RTKN: variants seen among roughly 807,000 people sequenced by gnomAD.
The protein encoded by RTKN is rhotekin.
RTKN carries 49 observed loss-of-function variants against 63.5 expected under a neutral mutation model. The observed-to-expected ratio is 0.77, with a 90% CI of 0.61 to 0.98. The LOEUF is 0.98. Ranked by LOEUF, RTKN falls within the 50% of genes least tolerant of loss-of-function variation. RTKN has a pLI of 0.00. For synonymous variants in RTKN, 295 were observed against 290.4 expected, an observed-to-expected ratio of 1.02 and a Z score of -0.16; for missense variants, 685 against 740.8, an observed-to-expected ratio of 0.92 and a Z score of 0.87.
In RTKN at chr2:74,432,201, T is replaced by C. The variant is rs989466055; in HGVS notation, c.311+266A>G. The C allele has an allele frequency of 6.5e-6, 4 of 617,834 alleles. No individual in the cohort carries two copies. The African/African-American group carries it at 7.2e-5, about 11-fold the overall frequency. The allele number at this position is 617,834 out of a possible 1,614,324, so 38.3% of individuals were successfully genotyped here. ...TCACAGACAGGGCTTAGCAAATTAGTGCTTTTGCATTACTTGCTACCCTTC... is the reference window on the plus strand; with the variant it reads ...TCACAGACAGGGCTTAGCAAATTAGCGCTTTTGCATTACTTGCTACCCTTC... On this transcript the variant is annotated intron_variant, in intron 2 of 11. Coordinates refer to ENST00000272430, the MANE Select transcript of RTKN (RefSeq NM_001015055.2).
intron 2 of RTKN, 195 bp downstream of exon 2, chr2:74,432,272 C>T (rs757976799): frequency 1.4e-6 from 1 of 710,494 alleles, no homozygotes; most frequent in Non-Finnish European, 2.6e-6. Flanking sequence ...CTAAGTCCTG[C>T]CCTGGCTACT....
intron 2 of RTKN, chr2:74,430,910 A>C (rs1670714749): frequency 3.6e-6 from 2 of 560,028 alleles, no homozygotes; most frequent in Non-Finnish European, 6.4e-6. Flanking sequence ...CATAAGGCAC[A>C]AGCTCAGGGC....
chr2:74,428,024 C>A (rs771987803), intron 9 of RTKN: 98 of 561,428 alleles, frequency 1.7e-4, no homozygotes, highest in Non-Finnish European at 2.4e-4. Flanking sequence ...AAGCCCTGAA[C>A]CTGCAGGCGA....
intron 1 of RTKN, among the ~76,000 whole-genome samples, chr2:74,433,221 C>T (rs147200613): frequency 0.012 from 1,754 of 143,962 alleles, 40 homozygotes; most frequent in African/African-American, 0.043. Context: ...CCAGCCTGGA[C>T]GACAGAGCAA....
rs138076407 is a variant in RTKN at position 74,436,720 on chromosome 2, C to T, written c.112-4054G>A. Among the ~76,000 whole-genome samples the T allele has an allele frequency of 5.0e-3, 763 of 152,246 alleles. 5 individuals are homozygous for T. Among genetic ancestry groups the T allele is most frequent in the Non-Finnish European group, 7.0e-3 (473 of 67,980 alleles). ...ACACCTCCTCTATTTCCCTACTGAT[C>T]TCCAGCCCCAAATCCACTCTCCCAA... On this transcript the variant is annotated intron_variant, in intron 1 of 11. Transcript: ENST00000272430. This position sits in a 1 kb window ranked among gnomAD's most constrained non-coding sequence, Gnocchi z 4.3.
rs776726019 is a variant in RTKN at position 74,430,036 on chromosome 2, C to T, written c.547G>A (p.Ala183Thr). Residue 183 changes from alanine (A) to threonine (T), a missense_variant and splice_region_variant, in exon 6 of 12, where the codon GCT becomes ACT. Coordinates refer to ENST00000272430, the MANE Select transcript of RTKN (RefSeq NM_001015055.2). The stretch of plus-strand genomic sequence containing the variant: ...AGTTCAAAGTCTGGCCCCGCCTCAG[C>T]GCTGGTGGGAGGAAGAAAGGAGGGT... ...DISFQSNVLF[A>T]EAGPDFELRL... is the part of the protein sequence containing the mutation. The T allele has an allele frequency of 7.6e-5, 123 of 1,613,950 alleles. No individual in the cohort carries two copies. Among genetic ancestry groups the T allele is most frequent in the Non-Finnish European group, 9.8e-5 (116 of 1,179,952 alleles).
rs1490766722 is a variant in RTKN at position 74,436,472 on chromosome 2, G to T, written c.112-3806C>A. 6.6e-6 allele frequency among the ~76,000 whole-genome samples: 1 copy of T among 152,114 alleles called. No individual in the cohort carries two copies. Among genetic ancestry groups the T allele is most frequent in the Non-Finnish European group, 1.5e-5 (1 of 67,984 alleles). On this transcript the variant is annotated intron_variant, in intron 1 of 11. Transcript: ENST00000272430. This position sits in a 1 kb window ranked among gnomAD's most constrained non-coding sequence, Gnocchi z 4.3. ...GCGGTGCCTCCACCGAGACTCCATC[G>T]CGGCGGGACCGGACCTCCAGGAGTG...
chr2:74,436,229 G>C lies in RTKN; in HGVS notation c.112-3563C>G, dbSNP rs968534265. On this transcript the variant is annotated intron_variant, in intron 1 of 11. Transcript: ENST00000272430. This position sits in a 1 kb window ranked among gnomAD's most constrained non-coding sequence, Gnocchi z 4.3. ...CCCGCTCCATTGCGAGAGGCGCGCA[G>C]AGGCGCGCGAGGTCCAGAGAGCTGC... 3.9e-5 allele frequency among the ~76,000 whole-genome samples: 6 copies of C among 152,360 alleles called. No individual in the cohort carries two copies. The highest frequency in any genetic ancestry group is 3.9e-4 in the East Asian group (2 of 5,184).
At chr2:74,434,299 G>C (rs1252755124) in intron 1 of RTKN, among the ~76,000 whole-genome samples, 1 of 76,108 alleles carries the variant, frequency 1.3e-5, no homozygotes, top group Admixed American at 1.4e-4. Context: ...TTTTTTTTTT[G>C]AGACCGAGTC....
chr2:74,430,854 G>C (rs904096241), intron 2 of RTKN, 177 bp from the exon 3 acceptor site: 1 of 626,954 alleles, frequency 1.6e-6, no homozygotes, highest in South Asian at 2.0e-5. Flanking sequence ...CCAGCAGTTT[G>C]CCAGGCTTGG....
chr2:74,434,755 G>A (rs1387020427), intron 1 of RTKN, among the ~76,000 whole-genome samples: 3 of 152,132 alleles, frequency 2.0e-5, no homozygotes, highest in Non-Finnish European at 4.4e-5. Context: ...ACTGGAAATT[G>A]TATTTCCTTT....
rs754873936 is a variant in RTKN at position 74,429,831 on chromosome 2, A to C, written c.752T>G (p.Val251Gly). ...GTGTCGGTGTGCAAGGCCTTACCCA[A>C]CAACTGGGGTGGGGAGCAAGATGGG... ...SSPILLPTPVVGGPRYHLLAH... is the reference protein window; with the variant it reads ...SSPILLPTPVGGGPRYHLLAH... The change falls in exon 6 of 12, where the codon GTT becomes GGT. Residue 251 changes from valine to glycine, a missense_variant. By Grantham distance (109) the Val-to-Gly change is moderately radical. Coordinates refer to ENST00000272430, the MANE Select transcript of RTKN (RefSeq NM_001015055.2). The C allele has an allele frequency of 6.2e-7, 1 of 1,613,446 alleles. No individual in the cohort carries two copies. Among genetic ancestry groups the C allele is most frequent in the Admixed American group, 1.7e-5 (1 of 60,018 alleles).
chr2:74,441,441 T>TG (rs1671360907), intron 1 of RTKN, among the ~76,000 whole-genome samples: 2 of 152,226 alleles, frequency 1.3e-5, no homozygotes, highest in Non-Finnish European at 2.9e-5. Context: ...GGAGTCGAGC[T>TG]GGGGCCCTAC....
chr2:74,425,959 T>C lies in RTKN; in HGVS notation c.*284A>G. The C allele has an allele frequency of 1.5e-6, 1 of 668,274 alleles. No homozygotes were observed. The highest frequency in any genetic ancestry group is 2.5e-6 in the Non-Finnish European group (1 of 400,064). 41.4% of individuals were successfully genotyped at this position (668,274 alleles called of 1,614,324 possible). On this transcript the variant is annotated 3_prime_UTR_variant, in exon 12 of 12. Transcript: ENST00000272430. ...TTGCTCCAAGGGTTCTTCAGTGCCA[T>C]CCTCAAAGCTGGTTAGTGCAGGGAG...
chr2:74,440,606 G>A (rs1671315563), intron 1 of RTKN: 8 of 977,748 alleles, frequency 8.2e-6, no homozygotes, highest in Non-Finnish European at 9.7e-6. Context: ...TAATCCCAGG[G>A]GCGGCCCCAG....
At chr2:74,438,222 T>A (rs760123887) in intron 1 of RTKN, among the ~76,000 whole-genome samples, 6 of 152,174 alleles carry the variant, frequency 3.9e-5, no homozygotes, top group Non-Finnish European at 7.3e-5. Flanking sequence ...ACCACCCAGT[T>A]GCTTAGCCAC....
At chr2:74,430,774 C>T in intron 2 of RTKN, 97 bp from the exon 3 acceptor site, 5 of 1,240,178 alleles carry the variant, frequency 4.0e-6, no homozygotes, top group Non-Finnish European at 5.5e-6. Context: ...CCCAGCGCCT[C>T]AGCCACCAGG....
chr2:74,429,803 G>C (rs1670630774), intron 6 of RTKN, 25 bp downstream of exon 6: 1 of 1,599,664 alleles, frequency 6.3e-7, no homozygotes. Context: ...GCAGCTGAGG[G>C]TGGTGTCGGT....
Position 74,427,426 on chromosome 2 carries a change from A to T in RTKN, c.1253T>A (p.Met418Lys). Reference sequence around the variant, plus strand: ...AACCCAGCCCCCTTCTCTCTTACTCATGTCAAAGAAAAGCTGCCACAGAGC... The same window carrying T: ...AACCCAGCCCCCTTCTCTCTTACTCTTGTCAAAGAAAAGCTGCCACAGAGC... ...MEALWQLFFDMSQWKQCCDEI... is the reference protein window; with the variant it reads ...MEALWQLFFDKSQWKQCCDEI... The change falls in exon 10 of 12, where the codon ATG becomes AAG. Residue 418 changes from methionine (M) to lysine (K), a missense_variant and splice_region_variant. Transcript: ENST00000272430. 6.2e-7 allele frequency: 1 copy of T among 1,613,998 alleles called. No homozygotes were observed. Among genetic ancestry groups the T allele is most frequent in the Non-Finnish European group, 8.5e-7 (1 of 1,179,970 alleles).
Sources: allele counts gnomAD v4.1 joint callset (sites outside exome capture counted in the v4.1 genomes callset), GRCh38; gene constraint gnomAD v4.1.1; non-coding constraint Gnocchi (gnomAD v3.1); transcripts MANE v1.5; gene names NCBI Gene and HGNC (gene_info 2026-07-23, HGNC 2026-07-21).